The following DPP6 variants were observed in gnomAD, a reference collection of about 807,000 sequenced individuals.
DPP6 encodes A-type potassium channel modulatory protein DPP6.
DPP6 carries 69 observed loss-of-function variants against 122.6 expected under a neutral mutation model. The ratio of observed to expected loss-of-function variants is 0.56; its 90% confidence interval spans 0.46 to 0.69. The LOEUF is 0.69. Among genes scored for constraint, DPP6 ranks in the 30% least tolerant of loss-of-function variants. The pLI is 0.00. For missense variants in DPP6, 928 were observed against 1,116.9 expected (o/e 0.83, Z 2.41); for synonymous variants, 418 against 433.1 (o/e 0.97, Z 0.43).
intron 1 of DPP6, among the ~76,000 whole-genome samples, chr7:153,904,644 T>C (rs566964534): frequency 6.6e-6 from 1 of 152,348 alleles, no homozygotes; most frequent in South Asian, 2.1e-4. Flanking sequence ...GAACGTCTCA[T>C]ACGCAGGCAC....
chr7:154,061,957 G>A (rs1473552058), intron 1 of DPP6, among the ~76,000 whole-genome samples: 1 of 122,914 alleles, frequency 8.1e-6, no homozygotes, highest in East Asian at 2.5e-4. Context: ...AACCCTGCGA[G>A]GGTGGGGACT....
chr7:154,141,813 T>C (rs1795861566), intron 1 of DPP6, among the ~76,000 whole-genome samples: 1 of 152,184 alleles, frequency 6.6e-6, no homozygotes, highest in South Asian at 2.1e-4. Flanking sequence ...TCTTGGTCAG[T>C]ACAGTCAGGA....
At chr7:154,078,568 A>T (rs1175096583) in intron 1 of DPP6, among the ~76,000 whole-genome samples, 1 of 152,172 alleles carries the variant, frequency 6.6e-6, no homozygotes. Flanking sequence ...GGCTTGTTAG[A>T]GCTCAACAAA....
the DPP6 span, among the ~76,000 whole-genome samples, chr7:153,750,388 TAA>T: frequency 7.0e-6 from 1 of 143,010 alleles, no homozygotes; most frequent in Admixed American, 7.3e-5. Context: ...CAATTAAAAA[TAA>T]AGTTTCACCC....
intron 1 of DPP6, among the ~76,000 whole-genome samples, chr7:154,123,997 C>T (rs900277594): frequency 1.3e-5 from 2 of 151,480 alleles, no homozygotes; most frequent in African/African-American, 4.9e-5. Context: ...GACATGCTGC[C>T]CACTCACTAT....
At chr7:153,880,428 T>A in the DPP6 span, among the ~76,000 whole-genome samples, 1 of 152,254 alleles carries the variant, frequency 6.6e-6, no homozygotes, top group Non-Finnish European at 1.5e-5. Context: ...GATATTCTCA[T>A]GTATAAAAGA....
chr7:154,419,772 AG>A (rs1436823248), intron 1 of DPP6, among the ~76,000 whole-genome samples: 1 of 152,126 alleles, frequency 6.6e-6, no homozygotes, highest in Non-Finnish European at 1.5e-5. Flanking sequence ...TAGTTTTTTG[AG>A]GAACCTCTAT....
intron 1 of DPP6, among the ~76,000 whole-genome samples, chr7:153,993,509 C>T (rs1433452652): frequency 3.3e-5 from 5 of 152,200 alleles, no homozygotes; most frequent in South Asian, 2.1e-4. Context: ...GTATCAACCT[C>T]GGCAGCAAAT....
At chr7:154,341,793 G>GCTGT (rs1216362398) in intron 1 of DPP6, among the ~76,000 whole-genome samples, 1 of 151,642 alleles carries the variant, frequency 6.6e-6, no homozygotes, top group East Asian at 2.0e-4. Flanking sequence ...TGTCAAAATG[G>GCTGT]CTGTCTGTTC....
chr7:154,494,215 G>C (rs1824526847), intron 3 of DPP6, among the ~76,000 whole-genome samples: 3 of 151,992 alleles, frequency 2.0e-5, no homozygotes, highest in Admixed American at 2.0e-4. Flanking sequence ...AATTAGCCAA[G>C]CCTGGTGGTG....
Position 154,486,283 on chromosome 7 carries a change from G to A in DPP6, c.457+11246G>A, listed in dbSNP as rs1314642006. 6.6e-6 allele frequency among the ~76,000 whole-genome samples: 1 copy of A among 152,060 alleles called. No homozygotes were observed. The highest frequency in any genetic ancestry group is 2.4e-5 in the African/African-American group (1 of 41,400). On this transcript the variant is annotated intron_variant, in intron 3 of 25. Transcript: ENST00000377770. The surrounding 1 kb of genome is among the most constrained non-coding windows in gnomAD (Gnocchi z 4.5). ...TGAGTAGCTGGGACTACAGGTGTGT[G>A]CCACCACGCCCAGCTAATTTTTGTA...
chr7:154,764,097 G>A (rs752580088), intron 8 of DPP6, among the ~76,000 whole-genome samples: 2 of 152,166 alleles, frequency 1.3e-5, no homozygotes, highest in Non-Finnish European at 2.9e-5. Flanking sequence ...TGGAAGCAGA[G>A]TCTCTCTTCC....
intron 16 of DPP6, among the ~76,000 whole-genome samples, chr7:154,837,864 T>C (rs1402771911): frequency 6.6e-6 from 1 of 152,256 alleles, no homozygotes; most frequent in African/African-American, 2.4e-5. Flanking sequence ...AGAACAATGA[T>C]TAGCCAAGAC....
chr7:153,833,063 AT>A, the DPP6 span, among the ~76,000 whole-genome samples: 1 of 152,150 alleles, frequency 6.6e-6, no homozygotes, highest in Non-Finnish European at 1.5e-5. Flanking sequence ...CATCTTCAAC[AT>A]TTGTTTAGAG....
intron 1 of DPP6, among the ~76,000 whole-genome samples, chr7:154,392,702 G>C (rs950180577): frequency 6.6e-6 from 1 of 152,202 alleles, no homozygotes; most frequent in Non-Finnish European, 1.5e-5. Flanking sequence ...CTCATTCCCA[G>C]AGCTTTCTGG....
intron 1 of DPP6, among the ~76,000 whole-genome samples, chr7:154,412,724 C>T (rs746358333): frequency 1.1e-4 from 17 of 152,064 alleles, no homozygotes; most frequent in Non-Finnish European, 2.2e-4. Context: ...TTATACAGCA[C>T]TTATTCAATG....
chr7:154,795,346 C>T (rs1797979084), intron 11 of DPP6, among the ~76,000 whole-genome samples: 1 of 152,190 alleles, frequency 6.6e-6, no homozygotes, highest in Non-Finnish European at 1.5e-5. Flanking sequence ...TTTGTTTGCA[C>T]CTTTCCATAG....
intron 17 of DPP6, among the ~76,000 whole-genome samples, chr7:154,866,053 C>T (rs1803847269): frequency 6.6e-6 from 1 of 152,178 alleles, no homozygotes; most frequent in African/African-American, 2.4e-5. Context: ...TGACAGGTGC[C>T]TGAGATAGGG....
At chr7:153,754,064 C>T in the DPP6 span, among the ~76,000 whole-genome samples, 1 of 152,154 alleles carries the variant, frequency 6.6e-6, no homozygotes, top group Admixed American at 6.5e-5. Flanking sequence ...TTTGCCAGCT[C>T]TAGGTATTAC....
Sources: gnomAD v4.1 joint callset for allele counts (sites outside exome capture counted in the v4.1 genomes callset) on GRCh38, gnomAD v4.1.1 for gene constraint, Gnocchi (gnomAD v3.1) non-coding constraint, MANE v1.5 for transcripts, NCBI Gene and HGNC (gene_info 2026-07-23, HGNC 2026-07-21) for gene names.